RAB38: variants seen among roughly 807,000 people sequenced by gnomAD.
RAB38 encodes RAB38, member RAS oncogene family.
Under a neutral mutation model 18.4 loss-of-function variants are expected in RAB38, and 15 were observed. The observed-to-expected ratio is 0.82, with a 90% CI of 0.55 to 1.26. The LOEUF (loss-of-function observed/expected upper bound fraction) is 1.26. Ranked by LOEUF, RAB38 falls within the 50% of genes most tolerant of loss-of-function variation. The pLI is 0.00. For missense variants in RAB38, 294 were observed against 267.4 expected (o/e 1.10, Z -0.69); for synonymous variants, 101 against 104.4 (o/e 0.97, Z 0.20).
chr11:87,929,874 T>C, the RAB38 span, among the ~76,000 whole-genome samples: 3 of 152,160 alleles, frequency 2.0e-5, no homozygotes, highest in South Asian at 2.1e-4. Context: ...TTCATCCATG[T>C]CCCTACAAAG....
the RAB38 span, among the ~76,000 whole-genome samples, chr11:87,847,222 T>TA: frequency 3.3e-5 from 5 of 151,888 alleles, no homozygotes; most frequent in Non-Finnish European, 7.4e-5. Flanking sequence ...ATCTGTTTTT[T>TA]AAAAAAATGA....
chr11:87,978,199 G>GTATATATTATA, the RAB38 span, among the ~76,000 whole-genome samples: 27 of 2,778 alleles, frequency 9.7e-3, no homozygotes, highest in South Asian at 0.038. Context: ...AAATATATAG[G>GTATATATTATA]TGTNNNNNNN....
the RAB38 span, among the ~76,000 whole-genome samples, chr11:87,820,785 GA>G: frequency 1.3e-5 from 2 of 152,024 alleles, no homozygotes; most frequent in Non-Finnish European, 2.9e-5. Flanking sequence ...TATGCTTAAA[GA>G]AAAAAAGTTT....
the RAB38 span, among the ~76,000 whole-genome samples, chr11:87,929,147 A>G: frequency 6.6e-6 from 1 of 151,956 alleles, no homozygotes; most frequent in East Asian, 1.9e-4. Flanking sequence ...AAAGCTCTTC[A>G]TCCCTATTCA....
the RAB38 span, among the ~76,000 whole-genome samples, chr11:88,047,679 G>A: frequency 1.6e-4 from 24 of 152,204 alleles, no homozygotes; most frequent in South Asian, 1.9e-3. Context: ...ACTTCCAAAG[G>A]AAGCTAGAGT....
the RAB38 span, among the ~76,000 whole-genome samples, chr11:88,029,008 C>G: frequency 6.6e-6 from 1 of 151,936 alleles, no homozygotes; most frequent in Non-Finnish European, 1.5e-5. Context: ...AAAGGGAAAC[C>G]CATCAGACTA....
intron 1 of RAB38, among the ~76,000 whole-genome samples, chr11:88,160,645 C>A (rs1467168143): frequency 1.3e-5 from 2 of 152,066 alleles, no homozygotes; most frequent in Non-Finnish European, 2.9e-5. Flanking sequence ...GAATATTACA[C>A]AGCCAAAAAA....
At chr11:87,949,950 A>G in the RAB38 span, among the ~76,000 whole-genome samples, 54 of 152,150 alleles carry the variant, frequency 3.5e-4, no homozygotes, top group African/African-American at 1.3e-3. Flanking sequence ...ATCCTTGTTA[A>G]CTTTCTGTCT....
the RAB38 span, among the ~76,000 whole-genome samples, chr11:88,018,516 A>G: frequency 1.3e-5 from 2 of 152,014 alleles, no homozygotes; most frequent in South Asian, 2.1e-4. Flanking sequence ...TTCTGTATCC[A>G]TTGTCTCCAT....
chr11:87,938,526 G>A, the RAB38 span, among the ~76,000 whole-genome samples: 1 of 151,616 alleles, frequency 6.6e-6, no homozygotes, highest in Admixed American at 6.6e-5. Flanking sequence ...TAGGGGAGAG[G>A]ACACGGTTCT....
the RAB38 span, among the ~76,000 whole-genome samples, chr11:88,054,621 A>C: frequency 6.6e-6 from 1 of 152,222 alleles, no homozygotes; most frequent in Non-Finnish European, 1.5e-5. Flanking sequence ...CAGAAATCTC[A>C]CTAGATATTC....
chr11:87,809,493 CA>C, the RAB38 span, among the ~76,000 whole-genome samples: 2 of 152,182 alleles, frequency 1.3e-5, no homozygotes, highest in African/African-American at 2.4e-5. Context: ...TGCTTATCAC[CA>C]CTTTGTGTAG....
the RAB38 span, among the ~76,000 whole-genome samples, chr11:87,938,420 C>G: frequency 3.3e-5 from 5 of 151,984 alleles, no homozygotes; most frequent in African/African-American, 1.2e-4. Context: ...CTTCCTTAGC[C>G]CTCTCTGGCA....
the RAB38 span, among the ~76,000 whole-genome samples, chr11:88,012,312 C>T: frequency 2.0e-5 from 3 of 152,122 alleles, no homozygotes; most frequent in South Asian, 2.1e-4. Context: ...GAGGAAGTAA[C>T]TTTCAGCATT....
At chr11:88,088,892 C>T in the RAB38 span, among the ~76,000 whole-genome samples, 3 of 151,532 alleles carry the variant, frequency 2.0e-5, no homozygotes, top group African/African-American at 7.3e-5. Context: ...AGACAAAATG[C>T]TTTAGCATCA....
chr11:88,122,667 G>A (rs753253282), intron 2 of RAB38, among the ~76,000 whole-genome samples: 1 of 152,210 alleles, frequency 6.6e-6, no homozygotes, highest in Non-Finnish European at 1.5e-5. Context: ...TGAGGAGACT[G>A]AGACACATAT....
At chr11:87,925,983 A>G in the RAB38 span, among the ~76,000 whole-genome samples, 2 of 151,866 alleles carry the variant, frequency 1.3e-5, no homozygotes, top group African/African-American at 4.8e-5. Context: ...GTGAAGCAGG[A>G]GAGGATGGTT....
At chr11:87,878,447 C>T in the RAB38 span, among the ~76,000 whole-genome samples, 3 of 150,826 alleles carry the variant, frequency 2.0e-5, no homozygotes, top group Admixed American at 2.0e-4. Context: ...CAGCAGAGGG[C>T]AGTGCAAGAG....
chr11:87,899,181 C>T, the RAB38 span, among the ~76,000 whole-genome samples: 1 of 151,546 alleles, frequency 6.6e-6, no homozygotes, highest in Non-Finnish European at 1.5e-5. Flanking sequence ...GAATGCAGTC[C>T]AGAGGTTTAC....
Sources: gnomAD v4.1 joint callset for allele counts (sites outside exome capture counted in the v4.1 genomes callset) on GRCh38, gnomAD v4.1.1 for gene constraint, MANE v1.5 for transcripts, NCBI Gene and HGNC (gene_info 2026-07-23, HGNC 2026-07-21) for gene names.